AXDND1: variants seen among roughly 807,000 people sequenced by gnomAD.
AXDND1 encodes axonemal dynein light chain domain-containing protein 1.
A neutral mutation model predicts 137.5 loss-of-function variants in AXDND1; 110 were observed. The observed-to-expected ratio is 0.80, with a 90% CI of 0.69 to 0.94. AXDND1 has a LOEUF of 0.94. AXDND1 is among the 40% of genes least tolerant of loss of function. The pLI, the probability that AXDND1 is intolerant of heterozygous loss-of-function variation, is 0.00. For synonymous variants in AXDND1, 414 were observed against 399.7 expected (o/e 1.04, Z -0.43); for missense variants, 1,191 against 1,169.8 (o/e 1.02, Z -0.26).
intron 21 of AXDND1, among the ~76,000 whole-genome samples, chr1:179,510,152 A>G (rs535946123): frequency 6.6e-6 from 1 of 152,166 alleles, no homozygotes; most frequent in African/African-American, 2.4e-5. Flanking sequence ...AAATGTTGAT[A>G]TTCTGTCCTT....
chr1:179,389,615 G>A (rs1649812449), intron 9 of AXDND1, among the ~76,000 whole-genome samples: 1 of 152,144 alleles, frequency 6.6e-6, no homozygotes, highest in South Asian at 2.1e-4. Flanking sequence ...TCCTGACCTT[G>A]GGTTTGCTTA....
chr1:179,530,355 C>A (rs1415122876), intron 23 of AXDND1, among the ~76,000 whole-genome samples: 1 of 152,126 alleles, frequency 6.6e-6, no homozygotes, highest in Non-Finnish European at 1.5e-5. Context: ...GAGACAAAGA[C>A]AACAGGTAGA....
chr1:179,389,473 G>C (rs931861473), intron 9 of AXDND1, among the ~76,000 whole-genome samples: 1 of 152,118 alleles, frequency 6.6e-6, no homozygotes, highest in Non-Finnish European at 1.5e-5. Flanking sequence ...TCTGGAAAAA[G>C]AAGATTTGTA....
Position 179,488,182 on chromosome 1 carries a change from C to T in AXDND1, c.2092-3356C>T, listed in dbSNP as rs150834479. On this transcript the variant is annotated intron_variant, in intron 18 of 25. Transcript: ENST00000367618. Reference sequence around the variant, plus strand: ...AAAGTGTTCCCAGCCAATTGAAATGCTTTATTTCTAAGATTTTTAAAAAGA... The same window carrying T: ...AAAGTGTTCCCAGCCAATTGAAATGTTTTATTTCTAAGATTTTTAAAAAGA... Among the ~76,000 whole-genome samples the T allele has an allele frequency of 1.4e-3, 214 of 147,610 alleles. 34 individuals carry two copies. Among genetic ancestry groups the T allele is most frequent in the African/African-American group, 5.4e-3 (207 of 38,646 alleles).
chr1:179,497,793 A>G (rs2125600089), intron 20 of AXDND1, among the ~76,000 whole-genome samples: 1 of 152,310 alleles, frequency 6.6e-6, no homozygotes, highest in African/African-American at 2.4e-5. Context: ...CCTAGAATTG[A>G]TAAACAACTT....
intron 25 of AXDND1, among the ~76,000 whole-genome samples, chr1:179,547,543 C>T (rs1672764087): frequency 6.6e-6 from 1 of 152,172 alleles, no homozygotes; most frequent in Non-Finnish European, 1.5e-5. Context: ...AGCAATGTGC[C>T]ATTCTGCCAG....
chr1:179,509,568 A>G (rs1050451745), intron 21 of AXDND1, among the ~76,000 whole-genome samples, 165 bp downstream of exon 21: 1 of 152,106 alleles, frequency 6.6e-6, no homozygotes, highest in African/African-American at 2.4e-5. Context: ...TCTTCCCTCT[A>G]AGGAATAGAA....
chr1:179,371,244 A>G (rs889085956), intron 4 of AXDND1, among the ~76,000 whole-genome samples: 5 of 152,108 alleles, frequency 3.3e-5, no homozygotes, highest in African/African-American at 7.2e-5. Flanking sequence ...TCTGGGCAAC[A>G]TGGTGAAACC....
At chr1:179,528,785 T>G (rs1670789485) in intron 23 of AXDND1, among the ~76,000 whole-genome samples, 1 of 151,650 alleles carries the variant, frequency 6.6e-6, no homozygotes, top group South Asian at 2.1e-4. Flanking sequence ...AGGGACAGGG[T>G]TTCACCATAT....
At chr1:179,537,500 G>A (rs1398599226) in intron 25 of AXDND1, among the ~76,000 whole-genome samples, 1 of 152,196 alleles carries the variant, frequency 6.6e-6, no homozygotes, top group Non-Finnish European at 1.5e-5. Context: ...TACGTTTATT[G>A]ATTTGCATAT....
chr1:179,536,067 T>G (rs12758730), intron 25 of AXDND1, among the ~76,000 whole-genome samples: 3,096 of 152,320 alleles, frequency 0.02, 50 homozygotes, highest in Middle Eastern at 0.034. Context: ...TTTGATGGTG[T>G]TGTTTGCTTT....
intron 16 of AXDND1, chr1:179,453,883 A>G (rs1660899397): frequency 6.6e-6 from 1 of 151,202 alleles, no homozygotes; most frequent in South Asian, 2.1e-4. Flanking sequence ...GTTTTGGCCA[A>G]TTTCTCCCAT....
At chr1:179,423,818 A>G (rs1381167253) in intron 12 of AXDND1, among the ~76,000 whole-genome samples, 1 of 152,222 alleles carries the variant, frequency 6.6e-6, no homozygotes, top group Non-Finnish European at 1.5e-5. Context: ...AAGTTGCTGT[A>G]GCTATTATTG....
At chr1:179,466,277 T>TA (rs1663166197) in intron 16 of AXDND1, among the ~76,000 whole-genome samples, 1 of 117,792 alleles carries the variant, frequency 8.5e-6, no homozygotes, top group Non-Finnish European at 1.7e-5. Context: ...TTCTTTCTTC[T>TA]TCTTCTTCTT....
At position 179,488,420 on chromosome 1, in the gene AXDND1, TTTTG is replaced by T. The variant is rs148532427; in HGVS notation, c.2092-3105_2092-3102del. Among the ~76,000 whole-genome samples, 1,367 of 147,940 alleles carry T rather than the reference TTTTG, an allele frequency of 9.2e-3. 91 individuals are homozygous for T. Among genetic ancestry groups the T allele is most frequent in the Admixed American group, 0.058 (873 of 15,022 alleles). On this transcript the variant is annotated intron_variant, in intron 18 of 25. Transcript: ENST00000367618. ...ACAAATTAAGTATGTGTGTGGTTTT[TTTTG>T]TTTGTTTGTTTGGTTGGTTTTTATA...
intron 16 of AXDND1, chr1:179,457,264 C>G: frequency 1.5e-6 from 1 of 686,902 alleles, no homozygotes. Context: ...TTGCTTGTTT[C>G]TAAGCTCAAC....
chr1:179,444,503 A>G (rs1309122667), intron 15 of AXDND1, among the ~76,000 whole-genome samples: 14 of 152,124 alleles, frequency 9.2e-5, no homozygotes. Context: ...TTTTTCCACA[A>G]ATATTTATTG....
At chr1:179,425,296 G>A (rs1656386651) in intron 12 of AXDND1, among the ~76,000 whole-genome samples, 1 of 152,166 alleles carries the variant, frequency 6.6e-6, no homozygotes, top group Admixed American at 6.6e-5. Context: ...CTATGTAGGG[G>A]AGTTTCCAAA....
chr1:179,496,938 G>T (rs1238805575), intron 20 of AXDND1, among the ~76,000 whole-genome samples: 1 of 151,836 alleles, frequency 6.6e-6, no homozygotes, highest in Admixed American at 6.6e-5. Flanking sequence ...TATCCATTTT[G>T]CATTCTTCGT....
Sources: allele counts gnomAD v4.1 joint callset (sites outside exome capture counted in the v4.1 genomes callset), GRCh38; gene constraint gnomAD v4.1.1; transcripts MANE v1.5; gene names NCBI Gene and HGNC (gene_info 2026-07-23, HGNC 2026-07-21).